Variants in CEP89 observed in about 807,000 individuals in gnomAD.
CEP89 encodes the protein centrosomal protein 89, also known as centrosomal protein of 89 kDa.
In CEP89, 95 loss-of-function variants were observed where a neutral mutation model predicts 97.6. That is an observed-to-expected ratio of 0.97 (90% CI 0.82 to 1.15). CEP89 has a LOEUF of 1.15. Ranked by LOEUF, CEP89 falls within the 50% of genes most tolerant of loss-of-function variation. The probability of loss-of-function intolerance (pLI) is 0.00; values close to 1 mark genes in which losing one functional copy is unlikely to be tolerated. For synonymous variants in CEP89, 354 were observed against 349.1 expected (o/e 1.01, Z -0.16); for missense variants, 869 against 947.7 (o/e 0.92, Z 1.09).
At chr19:32,902,010 C>CTCTCTCTGTGTGTG (rs1207481256) in intron 14 of CEP89, among the ~76,000 whole-genome samples, 2 of 133,806 alleles carry the variant, frequency 1.5e-5, no homozygotes, top group Middle Eastern at 3.7e-3. Flanking sequence ...CTCTCTCTCT[C>CTCTCTCTGTGTGTG]TGTGTGTGTG....
At chr19:32,964,475 G>A (rs550588606) in intron 2 of CEP89, among the ~76,000 whole-genome samples, 35 of 152,206 alleles carry the variant, frequency 2.3e-4, no homozygotes, top group Admixed American at 7.2e-4. Flanking sequence ...CTCAGCCAGT[G>A]TGTAAATGTT....
Position 32,918,085 on chromosome 19 carries a change from A to G in CEP89, c.1384+139T>C. The stretch of plus-strand genomic sequence containing the variant: ...GAGGGTAGTGACGTGGAAAGGTTAT[A>G]AACAGCCACATTCCAGTCAAAAATG... On this transcript the variant is annotated intron_variant, in intron 13 of 18. Coordinates refer to ENST00000305768, the MANE Select transcript of CEP89 (RefSeq NM_032816.5). 5 of 710,496 alleles carry G rather than the reference A, an allele frequency of 7.0e-6. No homozygotes were observed. In the Admixed American group the frequency reaches 9.5e-5, roughly 13 times the overall value. The allele number at this position is 710,496 out of a possible 1,614,324, so 44.0% of individuals were successfully genotyped here. A position where few individuals can be genotyped will look rare whatever the true frequency, so the allele number is the denominator to read the frequency against.
chr19:32,902,014 G>C (rs202080752), intron 14 of CEP89, among the ~76,000 whole-genome samples: 31,583 of 130,490 alleles, frequency 0.24, 3,538 homozygotes, highest in Admixed American at 0.36. Context: ...CTCTCTCTGT[G>C]TGTGTGTGTG....
At chr19:32,939,541 G>A (rs1970643325) in intron 6 of CEP89, among the ~76,000 whole-genome samples, 1 of 151,774 alleles carries the variant, frequency 6.6e-6, no homozygotes, top group South Asian at 2.1e-4. Flanking sequence ...AGCTGGGTGT[G>A]GTGGCATGCA....
In CEP89 at chr19:32,936,406, G is replaced by A. The variant is rs972588871; in HGVS notation, c.667+1225C>T. 1.3e-5 allele frequency among the ~76,000 whole-genome samples: 2 copies of A among 152,140 alleles called. No homozygotes were observed. Among genetic ancestry groups the A allele is most frequent in the African/African-American group, 4.8e-5 (2 of 41,428 alleles). ...GTGAGCAGCCTGGGTGCCATGGACT[G>A]GGCAGCAGGAGGGAGACAGGTTCCT... is the stretch of plus-strand genomic sequence containing the variant. On this transcript the variant is annotated intron_variant, in intron 7 of 18. Coordinates refer to ENST00000305768, the MANE Select transcript of CEP89 (RefSeq NM_032816.5). This position sits in a 1 kb window ranked among gnomAD's most constrained non-coding sequence, Gnocchi z 4.5.
chr19:32,915,725 C>T (rs1393635787), intron 13 of CEP89, among the ~76,000 whole-genome samples: 3 of 151,716 alleles, frequency 2.0e-5, no homozygotes, highest in Admixed American at 2.0e-4. Flanking sequence ...TCAAGACCAG[C>T]CTGGCCAAGT....
intron 9 of CEP89, among the ~76,000 whole-genome samples, chr19:32,928,762 T>C (rs1196177135): frequency 6.6e-6 from 1 of 152,194 alleles, no homozygotes; most frequent in Non-Finnish European, 1.5e-5. Flanking sequence ...CTTTCTGGTA[T>C]TCTTGCCCTA....
Position 32,915,393 on chromosome 19 carries a change from G to A in CEP89, c.1509C>T (p.His503=). ...CTTCCACTGCGATTTTGCCATCCGA[G>A]TGTGTTTTGAGTTCTTGGCATTTGG... The part of the protein sequence containing the change: ...LRAKCQELKT[H]SDGKIAVEVH... Residue 503 remains histidine, a synonymous_variant, in exon 14 of 19, where the codon CAC becomes CAT. Coordinates refer to ENST00000305768, the MANE Select transcript of CEP89 (RefSeq NM_032816.5). 6.2e-7 allele frequency: 1 copy of A among 1,613,322 alleles called. No individual in the cohort carries two copies. Among genetic ancestry groups the A allele is most frequent in the Non-Finnish European group, 8.5e-7 (1 of 1,179,760 alleles).
intron 2 of CEP89, among the ~76,000 whole-genome samples, chr19:32,962,154 G>A (rs1173263774): frequency 6.6e-6 from 1 of 152,126 alleles, no homozygotes; most frequent in Non-Finnish European, 1.5e-5. Context: ...TGTGTCGAAG[G>A]AGGAAAGTGA....
intron 17 of CEP89, among the ~76,000 whole-genome samples, chr19:32,884,186 C>T (rs1568542652): frequency 6.6e-6 from 1 of 151,900 alleles, no homozygotes; most frequent in Non-Finnish European, 1.5e-5. Flanking sequence ...AAATCTCCCC[C>T]TTTTTTTTGG....
intron 3 of CEP89, among the ~76,000 whole-genome samples, chr19:32,956,752 A>G (rs1971057635): frequency 6.6e-6 from 1 of 152,156 alleles, no homozygotes. Context: ...TTTCTGTTCT[A>G]TTAATATTAT....
intron 9 of CEP89, among the ~76,000 whole-genome samples, chr19:32,928,534 G>C (rs1338002636): frequency 1.3e-5 from 2 of 152,086 alleles, no homozygotes; most frequent in East Asian, 3.9e-4. Flanking sequence ...CTGGGCTCTT[G>C]ACTCAATGCA....
intron 14 of CEP89, among the ~76,000 whole-genome samples, chr19:32,914,400 C>T (rs1177101811): frequency 6.6e-6 from 1 of 152,006 alleles, no homozygotes; most frequent in Non-Finnish European, 1.5e-5. Context: ...GCTGGGACCA[C>T]AGGCGCATAC....
At chr19:32,947,312 AGTGGGCCACT>A (rs1970817051) in intron 5 of CEP89, among the ~76,000 whole-genome samples, 1 of 152,114 alleles carries the variant, frequency 6.6e-6, no homozygotes, top group Non-Finnish European at 1.5e-5. Context: ...GATCTTTCCT[AGTGGGCCACT>A]GTGGGCCAGG....
At chr19:32,902,400 A>G (rs1395642914) in intron 14 of CEP89, among the ~76,000 whole-genome samples, 1 of 152,252 alleles carries the variant, frequency 6.6e-6, no homozygotes, top group African/African-American at 2.4e-5. Flanking sequence ...TTATTTAACT[A>G]TTATTTTATT....
At chr19:32,956,995 T>G (rs536223946) in intron 3 of CEP89, among the ~76,000 whole-genome samples, 2 of 152,314 alleles carry the variant, frequency 1.3e-5, no homozygotes, top group South Asian at 4.1e-4. Context: ...ATACTGCTAA[T>G]CAATATAGCA....
At chr19:32,945,249 A>T (rs1970771788) in intron 5 of CEP89, among the ~76,000 whole-genome samples, 1 of 144,494 alleles carries the variant, frequency 6.9e-6, no homozygotes, top group African/African-American at 2.6e-5. Flanking sequence ...GCGCCACTGC[A>T]CTCCAGCCTG....
Position 32,886,114 on chromosome 19 carries a change from C to A in CEP89, c.1965+1638G>T, listed in dbSNP as rs541871515. On this transcript the variant is annotated intron_variant, in intron 17 of 18. Transcript: ENST00000305768. ...ACTGCCTCCTGAAGTCCTGTCTCTCCAGCTATCTCCAGCTCTCTAGCCAGC... is the reference window on the plus strand; with the variant it reads ...ACTGCCTCCTGAAGTCCTGTCTCTCAAGCTATCTCCAGCTCTCTAGCCAGC... 2.6e-5 allele frequency among the ~76,000 whole-genome samples: 4 copies of A among 152,310 alleles called. No individual in the cohort carries two copies. In the East Asian group the frequency reaches 7.7e-4, roughly 29 times the overall value.
At chr19:32,937,419 A>C in intron 7 of CEP89, 8 of 485,504 alleles carry the variant, frequency 1.6e-5, no homozygotes, top group Admixed American at 4.1e-5. Flanking sequence ...ACGTCCCCCC[A>C]GGTCCAACCC....
Sources: gnomAD v4.1 joint callset for allele counts (sites outside exome capture counted in the v4.1 genomes callset) on GRCh38, gnomAD v4.1.1 for gene constraint, Gnocchi (gnomAD v3.1) non-coding constraint, MANE v1.5 for transcripts, NCBI Gene and HGNC (gene_info 2026-07-23, HGNC 2026-07-21) for gene names.